Variants in PARD3B observed in about 807,000 individuals in gnomAD.
PARD3B encodes the protein par-3 family cell polarity regulator beta.
PARD3B carries 103 observed loss-of-function variants against 130.2 expected under a neutral mutation model. The ratio of observed to expected loss-of-function variants is 0.79; its 90% CI spans 0.67 to 0.93. PARD3B has a LOEUF of 0.93. PARD3B is among the 40% of genes least tolerant of loss of function. The probability of loss-of-function intolerance (pLI) is 0.00; values close to 1 mark genes in which losing one functional copy is unlikely to be tolerated. For synonymous variants in PARD3B, 583 were observed against 553.2 expected (o/e 1.05, Z -0.76); for missense variants, 1,609 against 1,499.2 (o/e 1.07, Z -1.21).
At chr2:205,535,436 C>G (rs1309011392) in intron 21 of PARD3B, among the ~76,000 whole-genome samples, 1 of 152,180 alleles carries the variant, frequency 6.6e-6, no homozygotes. Context: ...GTTTGCAACT[C>G]TGTTATGGGA....
In PARD3B at chr2:204,575,717, T is replaced by C. The variant is rs1433684958; in HGVS notation, c.120+29598T>C. Among the ~76,000 whole-genome samples, 7 of 152,362 alleles carry C rather than the reference T, an allele frequency of 4.6e-5. No individual in the cohort carries two copies. In the South Asian group the frequency reaches 1.4e-3, roughly 32 times the overall value. Reference sequence around the variant, plus strand: ...AGCTGGAGCTGACTGGAGTCAGCACTGTAATACACTGTTAGAGGTTGAGGA... The same window carrying C: ...AGCTGGAGCTGACTGGAGTCAGCACCGTAATACACTGTTAGAGGTTGAGGA... On this transcript the variant is annotated intron_variant, in intron 1 of 22. Transcript: ENST00000406610.
intron 15 of PARD3B, among the ~76,000 whole-genome samples, chr2:205,235,479 A>G (rs2039022231): frequency 6.6e-6 from 1 of 152,090 alleles, no homozygotes. Flanking sequence ...TCTACAGGGG[A>G]TATGCCCCAG....
intron 15 of PARD3B, among the ~76,000 whole-genome samples, chr2:205,207,684 T>C (rs2037395399): frequency 7.1e-6 from 1 of 140,468 alleles, no homozygotes; most frequent in South Asian, 2.3e-4. Context: ...GTTGAATCTC[T>C]GAATAGACCA....
At position 205,113,718 on chromosome 2, in the gene PARD3B, A is replaced by G. The variant is rs1575823741; in HGVS notation, c.680+141A>G. ...ACCTCAAGACATACTTCTGTTGGCC[A>G]CTTAAGTGTTGGAAACAAAATAAAA... On this transcript the variant is annotated intron_variant, in intron 6 of 22. Coordinates refer to ENST00000406610, the MANE Select transcript of PARD3B (RefSeq NM_001302769.2). The G allele has an allele frequency of 3.7e-5, 20 of 546,436 alleles. No individual in the cohort carries two copies. The East Asian group carries it at 5.7e-4, about 16-fold the overall frequency. 33.8% of individuals were successfully genotyped at this position (546,436 alleles called of 1,614,324 possible).
chr2:204,992,435 A>T (rs962382839), intron 3 of PARD3B, among the ~76,000 whole-genome samples: 1 of 131,560 alleles, frequency 7.6e-6, no homozygotes, highest in Non-Finnish European at 1.6e-5. Context: ...CCATTGATCT[A>T]TATCTCTGTT....
chr2:204,964,899 C>T (rs779853306), intron 2 of PARD3B, among the ~76,000 whole-genome samples: 3 of 151,572 alleles, frequency 2.0e-5, no homozygotes, highest in Non-Finnish European at 2.9e-5. Context: ...AGAGAGTGGG[C>T]CAAAATTGGT....
Position 205,420,176 on chromosome 2 carries a change from T to C in PARD3B, c.2741+19053T>C, listed in dbSNP as rs147157258. ...AAGGAGCTAAAAGAAGCTGTGTTTA[T>C]GCTTTTCAAGAGCTATTAGTGGTGT... is the stretch of plus-strand genomic sequence containing the variant. On this transcript the variant is annotated intron_variant, in intron 19 of 22. Coordinates refer to ENST00000406610, the MANE Select transcript of PARD3B (RefSeq NM_001302769.2). Among the ~76,000 whole-genome samples, 370 of 152,310 alleles carry C rather than the reference T, an allele frequency of 2.4e-3. 12 individuals carry two copies. In the East Asian group the frequency reaches 0.063, roughly 26 times the overall value.
chr2:204,636,151 G>T (rs576104038), intron 1 of PARD3B, among the ~76,000 whole-genome samples: 18 of 152,250 alleles, frequency 1.2e-4, no homozygotes, highest in Admixed American at 1.1e-3. Context: ...CAAAGTAGGG[G>T]TGTGTTTTGT....
At chr2:205,376,226 A>G (rs1347702086) in intron 18 of PARD3B, among the ~76,000 whole-genome samples, 3 of 152,166 alleles carry the variant, frequency 2.0e-5, no homozygotes, top group East Asian at 3.9e-4. Flanking sequence ...GCCACCAGAT[A>G]GATAATAAGA....
intron 13 of PARD3B, 112 bp from the exon 14 acceptor site, chr2:205,185,652 G>A: frequency 2.6e-6 from 2 of 756,084 alleles, no homozygotes; most frequent in South Asian, 1.6e-5. Context: ...TTTATTTCAG[G>A]GCTGGTTTAT....
intron 10 of PARD3B, among the ~76,000 whole-genome samples, chr2:205,129,903 A>G (rs2031835872): frequency 6.6e-6 from 1 of 152,128 alleles, no homozygotes; most frequent in Non-Finnish European, 1.5e-5. Context: ...TGCCACCTAA[A>G]AGAACTGTGC....
intron 1 of PARD3B, among the ~76,000 whole-genome samples, chr2:204,577,533 T>C (rs1039230971): frequency 3.1e-4 from 47 of 152,294 alleles, no homozygotes; most frequent in African/African-American, 1.1e-3. Context: ...CTCTTAGAGC[T>C]ACATTGCCCC....
chr2:205,216,181 A>G (rs2037898719), intron 15 of PARD3B, among the ~76,000 whole-genome samples: 1 of 152,202 alleles, frequency 6.6e-6, no homozygotes, highest in African/African-American at 2.4e-5. Context: ...TGCCTATAGT[A>G]TTCACTATAG....
chr2:205,208,700 C>G (rs1355686482), intron 15 of PARD3B, among the ~76,000 whole-genome samples: 1 of 144,806 alleles, frequency 6.9e-6, no homozygotes, highest in Non-Finnish European at 1.5e-5. Context: ...CTACAAACCA[C>G]TGCTCAATGA....
intron 1 of PARD3B, among the ~76,000 whole-genome samples, chr2:204,601,123 A>G (rs145831792): frequency 2.6e-4 from 40 of 152,100 alleles, no homozygotes; most frequent in African/African-American, 9.6e-4. Context: ...TCTCATGCAT[A>G]TAACCTCGTT....
chr2:204,935,505 C>T (rs947449888), intron 2 of PARD3B, among the ~76,000 whole-genome samples: 10 of 151,668 alleles, frequency 6.6e-5, no homozygotes, highest in Non-Finnish European at 8.8e-5. Context: ...CGCCACTGTA[C>T]TCCAGCCTGA....
intron 15 of PARD3B, among the ~76,000 whole-genome samples, chr2:205,224,510 C>A (rs2038433702): frequency 6.6e-6 from 1 of 151,350 alleles, no homozygotes; most frequent in African/African-American, 2.4e-5. Context: ...GCCCATTCAT[C>A]ATTCCCACTT....
intron 3 of PARD3B, among the ~76,000 whole-genome samples, chr2:205,035,828 T>TAGTGGG (rs1559374303): frequency 1.0e-3 from 8 of 7,976 alleles, no homozygotes; most frequent in South Asian, 0.017. Flanking sequence ...TATCTATATA[T>TAGTGGG]CTATATATAT....
At chr2:205,425,579 T>C (rs1333112246) in intron 19 of PARD3B, among the ~76,000 whole-genome samples, 1 of 151,528 alleles carries the variant, frequency 6.6e-6, no homozygotes, top group East Asian at 1.9e-4. Context: ...CAACAACATT[T>C]GATTTGGGGA....
Sources: allele counts gnomAD v4.1 joint callset (sites outside exome capture counted in the v4.1 genomes callset), GRCh38; gene constraint gnomAD v4.1.1; transcripts MANE v1.5; gene names NCBI Gene and HGNC (gene_info 2026-07-23, HGNC 2026-07-21).